SLX4IP: variants seen among roughly 807,000 people sequenced by gnomAD.
SLX4IP encodes SLX4 interacting protein, also known as protein SLX4IP.
Under a neutral mutation model 32.9 loss-of-function variants are expected in SLX4IP, and 34 were observed. The ratio of observed to expected loss-of-function variants is 1.03; its 90% CI spans 0.79 to 1.38. The LOEUF is 1.38. SLX4IP is among the 40% of genes most tolerant of loss of function. The pLI, the probability that SLX4IP is intolerant of heterozygous loss-of-function variation, is 0.00. For missense variants in SLX4IP, 444 were observed against 479.0 expected, an observed-to-expected ratio of 0.93 and a Z score of 0.68; for synonymous variants, 172 against 171.7, an observed-to-expected ratio of 1.00 and a Z score of -0.01.
intron 2 of SLX4IP, among the ~76,000 whole-genome samples, chr20:10,553,694 T>TA (rs1291563227): frequency 7.9e-5 from 12 of 152,144 alleles, no homozygotes; most frequent in African/African-American, 2.4e-4. Flanking sequence ...AGTACACACT[T>TA]ACTTACATTT....
At chr20:10,457,282 A>G (rs559775727) in intron 1 of SLX4IP, among the ~76,000 whole-genome samples, 2 of 152,226 alleles carry the variant, frequency 1.3e-5, no homozygotes, top group South Asian at 4.1e-4. Context: ...GTTTCATGTA[A>G]AGACATGTCT....
chr20:10,448,267 T>G (rs2065216899), intron 1 of SLX4IP, among the ~76,000 whole-genome samples: 1 of 152,212 alleles, frequency 6.6e-6, no homozygotes. Context: ...TGGAAGAATT[T>G]GTATACTGGC....
At chr20:10,525,166 A>G (rs1045993804) in intron 2 of SLX4IP, among the ~76,000 whole-genome samples, 2 of 152,166 alleles carry the variant, frequency 1.3e-5, no homozygotes, top group Non-Finnish European at 2.9e-5. Context: ...TATAATTAGT[A>G]TTTTCATCAT....
At chr20:10,586,877 A>T (rs999847841) in intron 4 of SLX4IP, among the ~76,000 whole-genome samples, 2 of 152,126 alleles carry the variant, frequency 1.3e-5, no homozygotes, top group Non-Finnish European at 2.9e-5. Flanking sequence ...CCCTGAATAG[A>T]TTATTAAAGA....
intron 2 of SLX4IP, among the ~76,000 whole-genome samples, chr20:10,533,969 T>G (rs2066014176): frequency 6.6e-6 from 1 of 152,148 alleles, no homozygotes; most frequent in Non-Finnish European, 1.5e-5. Flanking sequence ...TTGTCTGATT[T>G]TCACATTGCC....
chr20:10,561,414 CTGAT>C (rs1177228540), intron 4 of SLX4IP, among the ~76,000 whole-genome samples: 3 of 151,964 alleles, frequency 2.0e-5, no homozygotes, highest in African/African-American at 7.3e-5. Context: ...ACTCACAACT[CTGAT>C]TGTATGAGCT....
At chr20:10,548,385 C>A (rs1019347958) in intron 2 of SLX4IP, among the ~76,000 whole-genome samples, 1 of 152,092 alleles carries the variant, frequency 6.6e-6, no homozygotes, top group African/African-American at 2.4e-5. Context: ...ACTACAGGCG[C>A]CCGCCACCAC....
rs572339202 is a variant in SLX4IP, at chr20:10,487,377, T to A, written c.27+29146T>A. 5.3e-5 allele frequency among the ~76,000 whole-genome samples: 8 copies of A among 152,290 alleles called. No individual in the cohort carries two copies. The South Asian group carries it at 1.7e-3, about 32-fold the overall frequency. ...GTAATTTTTAATACAGTTCTTTGGA[T>A]AGACTTTTTATGACTCAGTATTACA... On this transcript the variant is annotated intron_variant, in intron 2 of 7. Coordinates refer to ENST00000334534, the MANE Select transcript of SLX4IP (RefSeq NM_001009608.3).
intron 2 of SLX4IP, among the ~76,000 whole-genome samples, chr20:10,461,697 T>A (rs1179195250): frequency 6.6e-6 from 1 of 152,254 alleles, no homozygotes; most frequent in Non-Finnish European, 1.5e-5. Flanking sequence ...CAGGGAACAC[T>A]GCTCCTGAAG....
intron 2 of SLX4IP, among the ~76,000 whole-genome samples, chr20:10,532,116 C>T (rs1237760085): frequency 1.3e-5 from 2 of 152,036 alleles, no homozygotes; most frequent in African/African-American, 2.4e-5. Context: ...GGAGTGGTCT[C>T]CATAGTTGTG....
intron 1 of SLX4IP, among the ~76,000 whole-genome samples, chr20:10,446,445 A>T (rs2065203545): frequency 6.6e-6 from 1 of 150,812 alleles, no homozygotes; most frequent in African/African-American, 2.4e-5. Flanking sequence ...TACTATGAAC[A>T]TTTTTGAACA....
chr20:10,555,264 G>GA (rs2066255683), intron 2 of SLX4IP, among the ~76,000 whole-genome samples: 1 of 150,806 alleles, frequency 6.6e-6, no homozygotes, highest in Admixed American at 6.6e-5. Flanking sequence ...CTCATAAACC[G>GA]AATCTCTGGG....
At chr20:10,613,907 G>A in intron 6 of SLX4IP, 1 of 1,422,784 alleles carries the variant, frequency 7.0e-7, no homozygotes, top group East Asian at 2.3e-5. Context: ...TCTTTTTAAA[G>A]AGTAGCCGCC....
intron 2 of SLX4IP, among the ~76,000 whole-genome samples, chr20:10,497,128 C>G (rs1346068410): frequency 6.6e-6 from 1 of 152,086 alleles, no homozygotes; most frequent in Non-Finnish European, 1.5e-5. Flanking sequence ...CAGTGATAAA[C>G]ATTTAATAGT....
intron 2 of SLX4IP, among the ~76,000 whole-genome samples, chr20:10,554,579 T>C (rs1347194623): frequency 6.6e-6 from 1 of 152,124 alleles, no homozygotes; most frequent in Non-Finnish European, 1.5e-5. Flanking sequence ...TCTGGGTTGT[T>C]CCATATCCTT....
intron 6 of SLX4IP, among the ~76,000 whole-genome samples, chr20:10,607,334 C>T (rs1012515881): frequency 1.2e-4 from 19 of 152,192 alleles, no homozygotes. Flanking sequence ...AAATAGCCAT[C>T]AAGGTTCTGC....
At chr20:10,456,867 C>T (rs190890793) in intron 1 of SLX4IP, among the ~76,000 whole-genome samples, 69 of 152,304 alleles carry the variant, frequency 4.5e-4, no homozygotes, top group African/African-American at 1.4e-3. Flanking sequence ...TCCATGAACA[C>T]GGGTTATCTT....
chr20:10,485,746 AC>A (rs1273786908), intron 2 of SLX4IP, among the ~76,000 whole-genome samples: 1 of 152,210 alleles, frequency 6.6e-6, no homozygotes, highest in East Asian at 1.9e-4. Context: ...TGTTATATGT[AC>A]TATATACTGT....
chr20:10,486,693 T>A (rs1568704473), intron 2 of SLX4IP, among the ~76,000 whole-genome samples: 1 of 152,192 alleles, frequency 6.6e-6, no homozygotes, highest in Admixed American at 6.5e-5. Flanking sequence ...GGATAAATGA[T>A]CATGCAGAGT....
Sources: gnomAD v4.1 joint callset for allele counts (sites outside exome capture counted in the v4.1 genomes callset) on GRCh38, gnomAD v4.1.1 for gene constraint, MANE v1.5 for transcripts, NCBI Gene and HGNC (gene_info 2026-07-23, HGNC 2026-07-21) for gene names.